RPS6KA3: variants seen among roughly 807,000 people sequenced by gnomAD.
RPS6KA3 encodes ribosomal protein S6 kinase alpha-3.
A neutral mutation model predicts 67.2 loss-of-function variants in RPS6KA3; 4 were observed. The observed-to-expected ratio is 0.06, with a 90% CI of 0.03 to 0.14. The LOEUF is 0.14. RPS6KA3 is among the 10% of genes least tolerant of loss of function. The pLI, the probability that RPS6KA3 is intolerant of heterozygous loss-of-function variation, is 1.00. For synonymous variants in RPS6KA3, 182 were observed against 183.7 expected (o/e 0.99, Z 0.07); for missense variants, 204 against 559.0 (o/e 0.36, Z 6.40).
At chrX:20,190,886 T>C (rs1287260176) in intron 7 of RPS6KA3, among the ~76,000 whole-genome samples, 1 of 110,552 alleles carries the variant, frequency 9.0e-6, no homozygotes, top group Admixed American at 9.7e-5. Flanking sequence ...TTTTTTTTAT[T>C]ATGCTTTAGG....
chrX:20,184,350 T>C (rs1287040547), intron 10 of RPS6KA3, among the ~76,000 whole-genome samples: 1 of 110,584 alleles, frequency 9.0e-6, no homozygotes, highest in African/African-American at 3.3e-5. Context: ...TTTTTAAATG[T>C]AGGTACTAGA....
At chrX:20,195,587 T>C (rs1387048699) in intron 4 of RPS6KA3, among the ~76,000 whole-genome samples, 2 of 111,532 alleles carry the variant, frequency 1.8e-5, no homozygotes, top group South Asian at 3.7e-4. Flanking sequence ...GAGGCAGACA[T>C]GGGGTAAAGG....
intron 1 of RPS6KA3, among the ~76,000 whole-genome samples, chrX:20,255,651 G>A (rs1183554225): frequency 9.4e-6 from 1 of 106,921 alleles, no homozygotes; most frequent in South Asian, 4.2e-4. Context: ...AGCCAGGCGT[G>A]GTGGTGGGCA....
intron 2 of RPS6KA3, among the ~76,000 whole-genome samples, chrX:20,214,646 C>A (rs1255797269): frequency 1.8e-5 from 2 of 110,886 alleles, no homozygotes; most frequent in Non-Finnish European, 1.9e-5. Flanking sequence ...GCTTGGTGAA[C>A]CTTTATAATC....
intron 15 of RPS6KA3, chrX:20,169,725 A>G: frequency 2.4e-6 from 1 of 411,746 alleles, no homozygotes; most frequent in Non-Finnish European, 4.3e-6. Flanking sequence ...ATGCCTCTCC[A>G]ATCTAAGTTT....
chrX:20,166,044 TA>T (rs1329986750), intron 17 of RPS6KA3, among the ~76,000 whole-genome samples: 6 of 112,476 alleles, frequency 5.3e-5, no homozygotes, highest in Non-Finnish European at 9.4e-5. Context: ...TATACTGTAA[TA>T]AAAGTTATAT....
intron 4 of RPS6KA3, among the ~76,000 whole-genome samples, chrX:20,198,084 G>C (rs1031536920): frequency 2.7e-5 from 3 of 111,997 alleles, no homozygotes. Context: ...ACTTGTATTT[G>C]ACCCCATTTA....
chrX:20,260,529 C>A (rs1177290334), intron 1 of RPS6KA3, among the ~76,000 whole-genome samples: 1 of 111,503 alleles, frequency 9.0e-6, no homozygotes, highest in African/African-American at 3.3e-5. Context: ...AAAGAGATTT[C>A]TGTTCCCCTT....
intron 20 of RPS6KA3, among the ~76,000 whole-genome samples, chrX:20,159,970 C>T (rs2067269768): frequency 1.8e-5 from 2 of 111,731 alleles, no homozygotes; most frequent in Non-Finnish European, 3.8e-5. Flanking sequence ...TGCAACCCTG[C>T]ACTAGTCACA....
At chrX:20,247,405 A>C (rs1044278376) in intron 1 of RPS6KA3, among the ~76,000 whole-genome samples, 3 of 111,899 alleles carry the variant, frequency 2.7e-5, no homozygotes, top group African/African-American at 9.8e-5. Context: ...CTCAAAAAAA[A>C]CAAAATAGAA....
intron 4 of RPS6KA3, 101 bp from the exon 5 acceptor site, chrX:20,195,246 T>A: frequency 2.0e-6 from 1 of 492,999 alleles, no homozygotes; most frequent in Non-Finnish European, 3.5e-6. Context: ...TTTGCTTATG[T>A]GTATTAAAAT....
rs1159974637 is a variant in RPS6KA3, at chrX:20,192,592, CTTT to C, written c.593+892_593+894del. Among the ~76,000 whole-genome samples the C allele has an allele frequency of 6.1e-3, 279 of 45,395 alleles. 1 individual carries two copies. Among genetic ancestry groups the C allele is most frequent in the African/African-American group, 0.03 (258 of 8,549 alleles). 39.4% of individuals were successfully genotyped at this position (45,395 alleles called of 115,157 possible). ...AAGACTGGAAAAAAATGTAAATTTT[CTTT>C]TTTTTTTTTTTTTTTTTTTTTTGAG... is the stretch of plus-strand genomic sequence containing the variant. On this transcript the variant is annotated intron_variant, in intron 7 of 21. Transcript: ENST00000379565.
chrX:20,185,175 G>C (rs1197882670), intron 10 of RPS6KA3, among the ~76,000 whole-genome samples: 1 of 111,537 alleles, frequency 9.0e-6, no homozygotes, highest in East Asian at 2.8e-4. Flanking sequence ...TCGAACTCTG[G>C]ACCTCAGGTG....
In RPS6KA3 at chrX:20,167,610, A is replaced by T. The variant is rs2067473960; in HGVS notation, c.1581T>A (p.Val527=). 1 of 1,209,321 alleles carries T rather than the reference A, an allele frequency of 8.3e-7. No individual in the cohort carries two copies. Among genetic ancestry groups the T allele is most frequent in the Non-Finnish European group, 1.1e-6 (1 of 894,598 alleles). The change falls in exon 17 of 22, where the codon GTT becomes GTA. Residue 527 remains valine (V), a synonymous_variant. Transcript: ENST00000379565. ...TTACCCCTTGTGCGTGAAGATATTC[A>T]ACGGTTTTAGTTATAGTGAACAGGA... The part of the protein sequence containing the change: ...SAVLFTITKT[V]EYLHAQGVVH...
At chrX:20,225,912 A>G (rs187375331) in intron 2 of RPS6KA3, among the ~76,000 whole-genome samples, 61 of 112,151 alleles carry the variant, frequency 5.4e-4, no homozygotes, top group East Asian at 2.5e-3. Context: ...GGGGCCGAGT[A>G]TGGTGGTTCA....
intron 1 of RPS6KA3, among the ~76,000 whole-genome samples, chrX:20,248,866 G>T (rs1239850791): frequency 9.0e-6 from 1 of 111,124 alleles, no homozygotes; most frequent in Non-Finnish European, 1.9e-5. Flanking sequence ...TTACAGGTAT[G>T]TAGCTGTGTT....
Position 20,192,592 on chromosome X carries a change from CTTTTTTTTTTTTTT to C in RPS6KA3, c.593+881_593+894del, listed in dbSNP as rs1159974637. Among the ~76,000 whole-genome samples the C allele has an allele frequency of 7.2e-3, 326 of 45,417 alleles. 5 individuals carry two copies. The highest frequency in any genetic ancestry group is 0.034 in the African/African-American group (290 of 8,567). 39.4% of individuals were successfully genotyped at this position (45,417 alleles called of 115,157 possible). A position where few individuals can be genotyped will look rare whatever the true frequency, so the allele number is the denominator to read the frequency against. ...AAGACTGGAAAAAAATGTAAATTTT[CTTTTTTTTTTTTTT>C]TTTTTTTTTTTGAGACAGGGTCTCA... is the stretch of plus-strand genomic sequence containing the variant. On this transcript the variant is annotated intron_variant, in intron 7 of 21. Coordinates refer to ENST00000379565, the MANE Select transcript of RPS6KA3 (RefSeq NM_004586.3).
chrX:20,203,502 A>T (rs2068498955), intron 4 of RPS6KA3: 1 of 111,770 alleles, frequency 8.9e-6, no homozygotes, highest in Non-Finnish European at 1.9e-5. Context: ...ACCTCAGGTG[A>T]TCCGCCTGCC....
intron 4 of RPS6KA3, among the ~76,000 whole-genome samples, chrX:20,198,204 C>T (rs1569226495): frequency 8.9e-6 from 1 of 111,858 alleles, no homozygotes; most frequent in African/African-American, 3.3e-5. Flanking sequence ...GGAAAAACTG[C>T]ATAAACTCAC....
Sources: allele counts gnomAD v4.1 joint callset (sites outside exome capture counted in the v4.1 genomes callset), GRCh38; gene constraint gnomAD v4.1.1; transcripts MANE v1.5; gene names NCBI Gene and HGNC (gene_info 2026-07-23, HGNC 2026-07-21).